SUGCT: variants seen among roughly 807,000 people sequenced by gnomAD.
SUGCT encodes the protein succinyl-CoA:glutarate-CoA transferase.
In SUGCT, 41 loss-of-function variants were observed where a neutral mutation model predicts 55.0. The observed-to-expected ratio is 0.74, with a 90% CI of 0.58 to 0.97. The LOEUF (loss-of-function observed/expected upper bound fraction) is 0.97, where lower values mean the gene tolerates loss of function less well. SUGCT is among the 50% of genes least tolerant of loss of function. The pLI, the probability that SUGCT is intolerant of heterozygous loss-of-function variation, is 0.00. For synonymous variants in SUGCT, 187 were observed against 200.4 expected (o/e 0.93, Z 0.56); for missense variants, 568 against 547.8 (o/e 1.04, Z -0.37).
the SUGCT span, among the ~76,000 whole-genome samples, chr7:40,994,713 T>C: frequency 6.6e-6 from 1 of 152,038 alleles, no homozygotes; most frequent in African/African-American, 2.4e-5. Flanking sequence ...GGGTTGGAGG[T>C]GGGGCCTGGT....
At chr7:40,711,205 C>T (rs957396741) in intron 12 of SUGCT, among the ~76,000 whole-genome samples, 1 of 152,156 alleles carries the variant, frequency 6.6e-6, no homozygotes, top group African/African-American at 2.4e-5. Flanking sequence ...CCGACCCAGC[C>T]CCTGGTGTTA....
At chr7:40,443,529 A>G (rs1788636531) in intron 9 of SUGCT, among the ~76,000 whole-genome samples, 1 of 152,086 alleles carries the variant, frequency 6.6e-6, no homozygotes, top group Admixed American at 6.5e-5. Flanking sequence ...TTCTTTTGAG[A>G]AGTGTCTGTT....
intron 6 of SUGCT, among the ~76,000 whole-genome samples, chr7:40,233,843 C>T (rs1375388040): frequency 1.3e-5 from 2 of 152,118 alleles, no homozygotes; most frequent in Non-Finnish European, 2.9e-5. Flanking sequence ...TGCCATTTTA[C>T]AGATGAAGAC....
intron 12 of SUGCT, among the ~76,000 whole-genome samples, chr7:40,507,888 C>T (rs146474644): frequency 6.6e-6 from 1 of 152,292 alleles, no homozygotes; most frequent in African/African-American, 2.4e-5. Context: ...TTGATTGTCT[C>T]TTTTCTTGAT....
At chr7:41,012,147 GC>G in the SUGCT span, among the ~76,000 whole-genome samples, 1 of 152,086 alleles carries the variant, frequency 6.6e-6, no homozygotes, top group Non-Finnish European at 1.5e-5. Flanking sequence ...CCCGGAACCA[GC>G]CTTTTCCCAG....
At chr7:40,390,715 A>G (rs914307357) in intron 9 of SUGCT, among the ~76,000 whole-genome samples, 1 of 152,198 alleles carries the variant, frequency 6.6e-6, no homozygotes, top group Admixed American at 6.5e-5. Context: ...TGCCCAAGGT[A>G]ATTTACAGAT....
At chr7:40,898,838 T>C in the SUGCT span, among the ~76,000 whole-genome samples, 2 of 151,938 alleles carry the variant, frequency 1.3e-5, no homozygotes, top group African/African-American at 4.8e-5. Context: ...TGGGGGCCAT[T>C]AGGTGATTCA....
chr7:40,312,836 G>A (rs1331944355), intron 8 of SUGCT, among the ~76,000 whole-genome samples: 2 of 152,180 alleles, frequency 1.3e-5, no homozygotes, highest in East Asian at 3.9e-4. Context: ...AGACATGCAA[G>A]GGAAGTGGGG....
chr7:40,677,101 C>T (rs553966855), intron 12 of SUGCT, among the ~76,000 whole-genome samples: 3 of 152,234 alleles, frequency 2.0e-5, no homozygotes, highest in African/African-American at 4.8e-5. Flanking sequence ...TTTATCATTG[C>T]ACAGCCTGCA....
chr7:40,489,093 A>G (rs1791542150), intron 11 of SUGCT, among the ~76,000 whole-genome samples: 1 of 152,006 alleles, frequency 6.6e-6, no homozygotes, highest in African/African-American at 2.4e-5. Flanking sequence ...GAATGCCAAC[A>G]ACTGCTCTTT....
Position 40,274,504 on chromosome 7 carries a change from T to C in SUGCT, c.577-9T>C, listed in dbSNP as rs753158175. 1.9e-5 allele frequency: 30 copies of C among 1,609,350 alleles called. No individual in the cohort carries two copies. The South Asian group carries it at 2.8e-4, about 15-fold the overall frequency. ...TATTTCTTCTTTCTCAACCCAACCT[T>C]CAAATCAGAATGGAGATCCAGTTCG... On this transcript the variant is annotated splice_polypyrimidine_tract_variant and intron_variant, in intron 7 of 13. Transcript: ENST00000335693.
intron 1 of SUGCT, among the ~76,000 whole-genome samples, chr7:40,136,996 C>T (rs561348243): frequency 6.7e-4 from 101 of 151,836 alleles, no homozygotes; most frequent in African/African-American, 2.0e-3. Flanking sequence ...CCCTATCATG[C>T]CCCCCCACCC....
At chr7:40,667,248 T>C (rs1405796362) in intron 12 of SUGCT, among the ~76,000 whole-genome samples, 1 of 146,370 alleles carries the variant, frequency 6.8e-6, no homozygotes, top group Non-Finnish European at 1.5e-5. Context: ...TAATTAATTA[T>C]ATTTATTGAT....
At chr7:40,407,932 A>G (rs1009314321) in intron 9 of SUGCT, among the ~76,000 whole-genome samples, 1 of 151,996 alleles carries the variant, frequency 6.6e-6, no homozygotes, top group Non-Finnish European at 1.5e-5. Context: ...CTTTAGTTCT[A>G]TTTTACCTAT....
chr7:40,486,470 A>G (rs1791355924), intron 11 of SUGCT, among the ~76,000 whole-genome samples: 1 of 151,250 alleles, frequency 6.6e-6, no homozygotes, highest in Admixed American at 6.6e-5. Context: ...CTATTCATTT[A>G]TTTCTGCTCT....
intron 12 of SUGCT, among the ~76,000 whole-genome samples, chr7:40,530,614 G>A (rs74398449): frequency 6.6e-6 from 1 of 152,298 alleles, no homozygotes; most frequent in African/African-American, 2.4e-5. Context: ...GACCATATGT[G>A]AGATTCATTT....
At chr7:41,005,035 G>C in the SUGCT span, among the ~76,000 whole-genome samples, 1 of 152,138 alleles carries the variant, frequency 6.6e-6, no homozygotes, top group East Asian at 1.9e-4. Flanking sequence ...AAGCAACTGC[G>C]TACTTCCTAT....
intron 12 of SUGCT, among the ~76,000 whole-genome samples, chr7:40,732,617 A>T (rs1280766884): frequency 3.9e-5 from 6 of 152,182 alleles, no homozygotes; most frequent in African/African-American, 1.4e-4. Flanking sequence ...GGCCCAAAAG[A>T]TAAAGCATGG....
the SUGCT span, among the ~76,000 whole-genome samples, chr7:40,972,118 A>G: frequency 6.6e-6 from 1 of 152,062 alleles, no homozygotes; most frequent in African/African-American, 2.4e-5. Flanking sequence ...TCATCTATAT[A>G]TGTTTCTTTT....
Sources: allele counts gnomAD v4.1 joint callset (sites outside exome capture counted in the v4.1 genomes callset), GRCh38; gene constraint gnomAD v4.1.1; transcripts MANE v1.5; gene names NCBI Gene and HGNC (gene_info 2026-07-23, HGNC 2026-07-21).